The following RASA2 variants were observed in gnomAD, a reference collection of about 807,000 sequenced individuals.
The protein encoded by RASA2 is ras GTPase-activating protein 2.
RASA2 carries 155 observed loss-of-function variants against 118.2 expected under a neutral mutation model. That is an observed-to-expected ratio of 1.31 (90% CI 1.15 to 1.50). The LOEUF (loss-of-function observed/expected upper bound fraction) is 1.50. RASA2 is among the 40% of genes most tolerant of loss of function. The pLI, the probability that RASA2 is intolerant of heterozygous loss-of-function variation, is 0.00. For synonymous variants in RASA2, 353 were observed against 349.1 expected (o/e 1.01, Z -0.12); for missense variants, 1,016 against 1,009.6 (o/e 1.01, Z -0.09).
At chr3:141,490,673 G>C (rs532161908) in intron 1 of RASA2, among the ~76,000 whole-genome samples, 1 of 152,166 alleles carries the variant, frequency 6.6e-6, no homozygotes, top group Non-Finnish European at 1.5e-5. Flanking sequence ...TTCAGACCAA[G>C]AATAGCCTAG....
At chr3:141,571,939 A>G (rs564620654) in intron 11 of RASA2, among the ~76,000 whole-genome samples, 2 of 151,408 alleles carry the variant, frequency 1.3e-5, no homozygotes, top group East Asian at 3.9e-4. Context: ...CATTCACGTC[A>G]TAGTCTAACA....
chr3:141,550,723 A>G (rs1321101635), intron 5 of RASA2, among the ~76,000 whole-genome samples: 4 of 152,232 alleles, frequency 2.6e-5, no homozygotes, highest in African/African-American at 9.6e-5. Context: ...CACATTGCAA[A>G]CTTAACACAT....
chr3:141,498,793 G>T (rs906150184), intron 1 of RASA2, among the ~76,000 whole-genome samples: 1 of 152,086 alleles, frequency 6.6e-6, no homozygotes, highest in Non-Finnish European at 1.5e-5. Flanking sequence ...CCTTCCTTTT[G>T]TTTGTCATAC....
chr3:141,584,330 CAAAA>C (rs56396460), intron 17 of RASA2, among the ~76,000 whole-genome samples: 1,214 of 60,702 alleles, frequency 0.02, 24 homozygotes, highest in African/African-American at 0.063. Flanking sequence ...AACTCCATCC[CAAAA>C]AAAAAAAAAA....
In RASA2 at chr3:141,496,262, G is replaced by A. The variant is rs570788754; in HGVS notation, c.133+9046G>A. ...CCATTCAGGACATAGGCATGGGCAA[G>A]GACTTCATGTCCAAAACACCAAAAG... On this transcript the variant is annotated intron_variant, in intron 1 of 23. Coordinates refer to ENST00000286364, the MANE Select transcript of RASA2 (RefSeq NM_006506.5). 1.4e-4 allele frequency among the ~76,000 whole-genome samples: 22 copies of A among 152,244 alleles called. No homozygotes were observed. The East Asian group carries it at 3.3e-3, about 23-fold the overall frequency.
chr3:141,579,089 T>G (rs867427683), intron 15 of RASA2, among the ~76,000 whole-genome samples: 1 of 152,158 alleles, frequency 6.6e-6, no homozygotes, highest in Non-Finnish European at 1.5e-5. Flanking sequence ...TCTCTTCCCC[T>G]TCACATTCAT....
At chr3:141,607,868 T>G in intron 20 of RASA2, 108 bp downstream of exon 20, 1 of 1,206,378 alleles carries the variant, frequency 8.3e-7, no homozygotes, top group Non-Finnish European at 1.1e-6. Flanking sequence ...ACCTATTACT[T>G]AGATATTTGT....
intron 1 of RASA2, among the ~76,000 whole-genome samples, chr3:141,507,183 T>G (rs1050698737): frequency 1.3e-5 from 2 of 152,220 alleles, no homozygotes; most frequent in Non-Finnish European, 2.9e-5. Context: ...CTTGGTAATT[T>G]CTGTGTCCAT....
intron 15 of RASA2, among the ~76,000 whole-genome samples, chr3:141,577,392 G>A (rs1165712108): frequency 1.3e-5 from 2 of 152,010 alleles, no homozygotes; most frequent in Non-Finnish European, 2.9e-5. Flanking sequence ...GCTACTGTGT[G>A]TGTTTGTAAA....
intron 19 of RASA2, among the ~76,000 whole-genome samples, chr3:141,600,756 C>A (rs1465058670): frequency 6.6e-6 from 1 of 152,184 alleles, no homozygotes; most frequent in Admixed American, 6.5e-5. Flanking sequence ...GATTTTAACA[C>A]AATCCCACTC....
chr3:141,507,373 T>A (rs1448544589), intron 1 of RASA2, among the ~76,000 whole-genome samples: 1 of 152,220 alleles, frequency 6.6e-6, no homozygotes, highest in Non-Finnish European at 1.5e-5. Flanking sequence ...TTTAAGTGGC[T>A]TACAAAATTG....
At chr3:141,581,230 A>T (rs1577782199) in intron 17 of RASA2, 53 bp downstream of exon 17, 9 of 1,194,400 alleles carry the variant, frequency 7.5e-6, no homozygotes, top group Non-Finnish European at 1.1e-6. Context: ...TAACATGGGG[A>T]AATAACATTT....
intron 9 of RASA2, among the ~76,000 whole-genome samples, chr3:141,563,512 A>G (rs999885267): frequency 5.3e-5 from 8 of 152,274 alleles, no homozygotes; most frequent in Non-Finnish European, 1.0e-4. Context: ...CATATATTTA[A>G]GTGGTAATAG....
chr3:141,602,361 C>T (rs1447874483), intron 19 of RASA2, among the ~76,000 whole-genome samples: 1 of 152,174 alleles, frequency 6.6e-6, no homozygotes, highest in Non-Finnish European at 1.5e-5. Flanking sequence ...AGTGCACAAC[C>T]TAGATCTGTT....
intron 15 of RASA2, among the ~76,000 whole-genome samples, chr3:141,580,081 A>ATATAT (rs1399495918): frequency 8.4e-5 from 8 of 95,590 alleles, no homozygotes; most frequent in East Asian, 8.3e-4. Context: ...AAAAAAAAAA[A>ATATAT]AAAAATATAT....
chr3:141,598,325 T>C (rs1163017646), intron 19 of RASA2, among the ~76,000 whole-genome samples: 1 of 152,186 alleles, frequency 6.6e-6, no homozygotes, highest in African/African-American at 2.4e-5. Flanking sequence ...GTATATAAAG[T>C]TGGTTTAATA....
At chr3:141,516,305 A>G (rs778140603) in intron 2 of RASA2, 23 bp from the exon 3 acceptor site, 2 of 1,491,858 alleles carry the variant, frequency 1.3e-6, no homozygotes, top group Non-Finnish European at 1.8e-6. Flanking sequence ...ATTTGAAGTA[A>G]TGAGCTTTCC....
chr3:141,580,564 A>G, intron 16 of RASA2, 113 bp downstream of exon 16: 7 of 640,866 alleles, frequency 1.1e-5, no homozygotes, highest in East Asian at 5.9e-5. Context: ...ATACACACAC[A>G]CACACACACA....
rs1201097821 is a variant in RASA2 at position 141,580,350 on chromosome 3, CT to C, written c.1591-12del. On this transcript the variant is annotated splice_polypyrimidine_tract_variant and intron_variant, in intron 15 of 23. Coordinates refer to ENST00000286364, the MANE Select transcript of RASA2 (RefSeq NM_006506.5). ...TTCTTGAAAACTTAGTAGTTTTGGT[CT>C]TTTTTACATTCTTTAGGATGCACAG... 1 of 1,554,304 alleles carries C rather than the reference CT, an allele frequency of 6.4e-7. No individual in the cohort carries two copies.
Sources: gnomAD v4.1 joint callset for allele counts (sites outside exome capture counted in the v4.1 genomes callset) on GRCh38, gnomAD v4.1.1 for gene constraint, MANE v1.5 for transcripts, NCBI Gene and HGNC (gene_info 2026-07-23, HGNC 2026-07-21) for gene names.